Variants in LIN54 observed in about 807,000 individuals in gnomAD.
LIN54 encodes lin-54 DREAM MuvB core complex component, also known as protein lin-54 homolog.
LIN54 carries 9 observed loss-of-function variants against 78.7 expected under a neutral mutation model. The ratio of observed to expected loss-of-function variants is 0.11; its 90% CI spans 0.07 to 0.20. The LOEUF is 0.20. Among genes scored for constraint, LIN54 ranks in the 10% least tolerant of loss-of-function variants. LIN54 has a pLI of 1.00. For synonymous variants in LIN54, 269 were observed against 318.4 expected (o/e 0.84, Z 1.65); for missense variants, 573 against 889.9 (o/e 0.64, Z 4.53).
intron 1 of LIN54, among the ~76,000 whole-genome samples, chr4:83,007,698 G>A (rs1023655800): frequency 6.6e-6 from 1 of 151,994 alleles, no homozygotes; most frequent in Non-Finnish European, 1.5e-5. Context: ...GACCAGCCTG[G>A]CCAACATGGT....
chr4:82,961,473 T>C (rs1578552125), intron 4 of LIN54, among the ~76,000 whole-genome samples: 2 of 152,236 alleles, frequency 1.3e-5, no homozygotes, highest in South Asian at 4.1e-4. Context: ...TGACGGTTCA[T>C]TACCTACCAT....
At chr4:83,007,177 A>C (rs1335891485) in intron 1 of LIN54, among the ~76,000 whole-genome samples, 1 of 152,026 alleles carries the variant, frequency 6.6e-6, no homozygotes, top group Non-Finnish European at 1.5e-5. Context: ...ATAAATAAAT[A>C]AAAAGAAATT....
chr4:82,939,574 C>T lies in LIN54; in HGVS notation c.1405G>A (p.Gly469Ser). ...TACTGAGCTGGAAGCACTGCATAAC[C>T]CACATTCCCTGTTCCCGGAGCTGGT... The part of the protein sequence containing the change: ...LAPAPGTGNV[G>S]YAVLPAQYVT... The change falls in exon 7 of 13, where the codon GGT becomes AGT. Residue 469 changes from glycine to serine, a missense_variant. Gly to Ser is a moderately conservative substitution (Grantham distance 56). Transcript: ENST00000340417. The T allele has an allele frequency of 6.2e-7, 1 of 1,614,090 alleles. No homozygotes were observed. Among genetic ancestry groups the T allele is most frequent in the Non-Finnish European group, 8.5e-7 (1 of 1,179,940 alleles).
intron 1 of LIN54, among the ~76,000 whole-genome samples, chr4:82,997,463 T>C (rs1288342519): frequency 1.3e-5 from 2 of 152,120 alleles, no homozygotes; most frequent in South Asian, 2.1e-4. Context: ...AGTCATTTAA[T>C]TAATAAAATA....
At chr4:82,980,535 CA>C (rs1726545159) in intron 2 of LIN54, among the ~76,000 whole-genome samples, 1 of 147,884 alleles carries the variant, frequency 6.8e-6, no homozygotes, top group Non-Finnish European at 1.5e-5. Context: ...ACATTACTGA[CA>C]AAAACCAACT....
intron 11 of LIN54, among the ~76,000 whole-genome samples, 164 bp downstream of exon 11, chr4:82,935,817 A>G (rs1722351880): frequency 6.6e-6 from 1 of 152,178 alleles, no homozygotes; most frequent in Non-Finnish European, 1.5e-5. Flanking sequence ...AAGCCCTGCT[A>G]CAGAGGCTCG....
chr4:82,939,786 GTTCAA>G, intron 6 of LIN54, 50 bp from the exon 7 acceptor site: 1 of 1,597,926 alleles, frequency 6.3e-7, no homozygotes, highest in Non-Finnish European at 8.6e-7. Flanking sequence ...TTTTACAGCT[GTTCAA>G]TTCAGTATAA....
chr4:82,984,273 C>A lies in LIN54; in HGVS notation c.572G>T (p.Arg191Met). ...ACCAATGACAGGTTTCACCTCTGGC[C>A]TCCCTCCAATGGTAACTACTTTAAT... Reference protein sequence around the residue: ...QQIKVVTIGGRPEVKPVIGVS... With the variant: ...QQIKVVTIGGMPEVKPVIGVS... Residue 191 changes from arginine to methionine, a missense_variant, in exon 2 of 13, where the codon AGG becomes ATG. Coordinates refer to ENST00000340417, the MANE Select transcript of LIN54 (RefSeq NM_194282.4). 1 of 1,614,118 alleles carries A rather than the reference C, an allele frequency of 6.2e-7. No individual in the cohort carries two copies. Among genetic ancestry groups the A allele is most frequent in the Non-Finnish European group, 8.5e-7 (1 of 1,180,004 alleles).
chr4:82,947,237 T>TATATATA (rs1560733573), intron 4 of LIN54, among the ~76,000 whole-genome samples: 4 of 22,944 alleles, frequency 1.7e-4, no homozygotes, highest in Admixed American at 1.0e-3. Flanking sequence ...ATATATATAT[T>TATATATA]TTTTTTTTTT....
At position 82,939,912 on chromosome 4, in the gene LIN54, C is replaced by T. The variant is rs551373691; in HGVS notation, c.1219G>A (p.Val407Ile). The change falls in exon 6 of 13, where the codon GTC becomes ATC. Residue 407 changes from valine to isoleucine, a missense_variant. By Grantham distance (29) the Val-to-Ile change is conservative. Coordinates refer to ENST00000340417, the MANE Select transcript of LIN54 (RefSeq NM_194282.4). ...ACTTGTTTGACAGCCTGAGCTGAGA[C>T]AATTGGAACTGACATCCGCACTGGG... The part of the protein sequence containing the change: ...TTPVRMSVPI[V>I]SAQAVKQVVP... 11 of 1,612,458 alleles carry T rather than the reference C, an allele frequency of 6.8e-6. No individual in the cohort carries two copies. In the African/African-American group the frequency reaches 1.3e-4, roughly 20 times the overall value.
At chr4:82,950,700 C>T (rs189881548) in intron 4 of LIN54, among the ~76,000 whole-genome samples, 12 of 152,166 alleles carry the variant, frequency 7.9e-5, no homozygotes, top group African/African-American at 2.2e-4. Flanking sequence ...CTCAAAAACG[C>T]GGACAGACTT....
At position 82,935,967 on chromosome 4, in the gene LIN54, AC is replaced by A; in HGVS notation, c.1845+13del. 1 of 1,612,722 alleles carries A rather than the reference AC, an allele frequency of 6.2e-7. No individual in the cohort carries two copies. Among genetic ancestry groups the A allele is most frequent in the South Asian group, 1.1e-5 (1 of 91,014 alleles). On this transcript the variant is annotated intron_variant, in intron 11 of 12. Coordinates refer to ENST00000340417, the MANE Select transcript of LIN54 (RefSeq NM_194282.4). ...GTTTTTAAAAGATATTATTTTCCGC[AC>A]CCAGCATCTCACCTCATAGCATTCA...
intron 4 of LIN54, among the ~76,000 whole-genome samples, chr4:82,948,139 C>T (rs1056686808): frequency 1.3e-5 from 2 of 151,942 alleles, no homozygotes; most frequent in African/African-American, 2.4e-5. Flanking sequence ...AAGCAACCTA[C>T]GAGACAAGTA....
rs1163685678 is a variant in LIN54 at position 83,003,968 on chromosome 4, T to TG, written c.-33+6515dup. On this transcript the variant is annotated intron_variant, in intron 1 of 12. Transcript: ENST00000340417. ...ATGAGCTAAAGAAAAAGGCACAAAA[T>TG]GGACTTATAAAATAAATGACATATT... Among the ~76,000 whole-genome samples, 5 of 152,202 alleles carry TG rather than the reference T, an allele frequency of 3.3e-5. No homozygotes were observed. In the South Asian group the frequency reaches 8.3e-4, roughly 25 times the overall value.
intron 1 of LIN54, among the ~76,000 whole-genome samples, chr4:83,009,951 G>T (rs1729717673): frequency 6.6e-6 from 1 of 152,204 alleles, no homozygotes; most frequent in South Asian, 2.1e-4. Context: ...AAATATAACT[G>T]AGAGTATCTC....
intron 4 of LIN54, among the ~76,000 whole-genome samples, chr4:82,954,425 T>TATTTATTC (rs1341066484): frequency 6.6e-6 from 1 of 151,360 alleles, no homozygotes; most frequent in Non-Finnish European, 1.5e-5. Flanking sequence ...TTTATTTATT[T>TATTTATTC]ATTTATTTTT....
intron 3 of LIN54, among the ~76,000 whole-genome samples, chr4:82,977,222 A>G (rs1036574296): frequency 6.6e-6 from 1 of 152,144 alleles, no homozygotes; most frequent in African/African-American, 2.4e-5. Context: ...CATCCCATTA[A>G]AACACTCCTG....
At chr4:82,972,948 T>TTAAAA (rs1553953865) in intron 3 of LIN54, among the ~76,000 whole-genome samples, 16 of 59,388 alleles carry the variant, frequency 2.7e-4, no homozygotes, top group Admixed American at 1.4e-3. Flanking sequence ...AGAATCCCTC[T>TTAAAA]AAAAAAAAAA....
chr4:82,987,393 T>C (rs1219590950), intron 1 of LIN54, among the ~76,000 whole-genome samples: 2 of 152,162 alleles, frequency 1.3e-5, no homozygotes, highest in Non-Finnish European at 2.9e-5. Flanking sequence ...AAAATAAGTC[T>C]ACTTTTCTAA....
Sources: allele counts gnomAD v4.1 joint callset (sites outside exome capture counted in the v4.1 genomes callset), GRCh38; gene constraint gnomAD v4.1.1; transcripts MANE v1.5; gene names NCBI Gene and HGNC (gene_info 2026-07-23, HGNC 2026-07-21).